The following RAD18 variants were observed in gnomAD, a reference collection of about 807,000 sequenced individuals.
RAD18 encodes the protein E3 ubiquitin-protein ligase RAD18.
Under a neutral mutation model 60.4 loss-of-function variants are expected in RAD18, and 47 were observed. That is an observed-to-expected ratio of 0.78 (90% CI 0.62 to 0.99). The LOEUF (loss-of-function observed/expected upper bound fraction) is 0.99. RAD18 is among the 50% of genes least tolerant of loss of function. The probability of loss-of-function intolerance (pLI) is 0.00; values close to 1 mark genes in which losing one functional copy is unlikely to be tolerated. For synonymous variants in RAD18, 225 were observed against 195.5 expected, an observed-to-expected ratio of 1.15 and a Z score of -1.26; for missense variants, 640 against 593.3, an observed-to-expected ratio of 1.08 and a Z score of -0.82.
In RAD18 at chr3:8,877,467, C is replaced by T. The variant is rs1419811298; in HGVS notation, c.*3890G>A. The T allele has an allele frequency of 6.6e-6, 1 of 152,212 alleles. No individual in the cohort carries two copies. Among genetic ancestry groups the T allele is most frequent in the Non-Finnish European group, 1.5e-5 (1 of 68,042 alleles). The allele number at this position is 152,212 out of a possible 1,614,324, so 9.4% of individuals were successfully genotyped here. ...ACTTAATCACATCCTAAAGTTCCCA[C>T]CTCTTGTTAAGTTTCAACACATGAA... On this transcript the variant is annotated 3_prime_UTR_variant, in exon 13 of 13. Coordinates refer to ENST00000264926, the MANE Select transcript of RAD18 (RefSeq NM_020165.4).
chr3:8,919,449 A>T (rs1036303679), intron 7 of RAD18, among the ~76,000 whole-genome samples: 33 of 152,374 alleles, frequency 2.2e-4, no homozygotes, highest in Middle Eastern at 3.4e-3. Context: ...TAAAGCTACC[A>T]TCATAAAAAT....
intron 4 of RAD18, among the ~76,000 whole-genome samples, chr3:8,942,495 G>A (rs1315763376): frequency 2.0e-5 from 3 of 152,138 alleles, no homozygotes; most frequent in Non-Finnish European, 2.9e-5. Flanking sequence ...ATGTAAGAAT[G>A]GCCTAACTTG....
chr3:8,889,754 C>A (rs250408), intron 12 of RAD18, among the ~76,000 whole-genome samples: 1 of 152,070 alleles, frequency 6.6e-6, no homozygotes, highest in African/African-American at 2.4e-5. Flanking sequence ...GGACCTTTTA[C>A]GCATATTAAA....
chr3:8,888,078 C>A (rs1455219442), intron 12 of RAD18, among the ~76,000 whole-genome samples: 1 of 152,220 alleles, frequency 6.6e-6, no homozygotes, highest in Non-Finnish European at 1.5e-5. Flanking sequence ...CTGTTCACCC[C>A]ACCCTGCCTT....
At chr3:8,891,395 C>A (rs2125047272) in intron 11 of RAD18, among the ~76,000 whole-genome samples, 1 of 152,202 alleles carries the variant, frequency 6.6e-6, no homozygotes, top group Middle Eastern at 3.4e-3. Context: ...GATGGCCAAG[C>A]CTGTCAACTA....
At chr3:8,918,318 CAAAAAAA>C (rs56365221) in intron 7 of RAD18, among the ~76,000 whole-genome samples, 1,611 of 73,102 alleles carry the variant, frequency 0.022, 34 homozygotes, top group African/African-American at 0.09. Context: ...AACTCCATCT[CAAAAAAA>C]AAAAAAAAAA....
Position 8,958,843 on chromosome 3 carries a change from A to G in RAD18, c.133+77T>C, listed in dbSNP as rs962852126. ...AAAGGTGAAACATAAATATGTGCAC[A>G]TATCTTTGGTGTTAAATTAACACTA... On this transcript the variant is annotated intron_variant, in intron 2 of 12. Transcript: ENST00000264926. 1.1e-5 allele frequency: 12 copies of G among 1,136,124 alleles called. 1 individual carries two copies. The highest frequency in any genetic ancestry group is 7.1e-5 in the East Asian group (3 of 42,342). 70.4% of individuals were successfully genotyped at this position (1,136,124 alleles called of 1,614,324 possible).
chr3:8,923,213 C>G (rs953417672), intron 7 of RAD18, among the ~76,000 whole-genome samples: 1 of 152,128 alleles, frequency 6.6e-6, no homozygotes, highest in Non-Finnish European at 1.5e-5. Flanking sequence ...GCAGAGAAGT[C>G]CTTAAATGAC....
intron 7 of RAD18, 43 bp downstream of exon 7, chr3:8,935,828 T>C (rs781032315): frequency 5.6e-6 from 8 of 1,431,570 alleles, no homozygotes; most frequent in East Asian, 4.9e-5. Context: ...ACAAAATTGC[T>C]TTATCCAGAA....
intron 9 of RAD18, among the ~76,000 whole-genome samples, chr3:8,911,694 A>G (rs946794804): frequency 1.3e-5 from 2 of 152,220 alleles, no homozygotes; most frequent in African/African-American, 4.8e-5. Context: ...TCTTACCTCA[A>G]TTAAAACATA....
chr3:8,929,639 ATTAAT>A (rs1188577066), intron 7 of RAD18, among the ~76,000 whole-genome samples: 1 of 94,672 alleles, frequency 1.1e-5, no homozygotes, highest in Non-Finnish European at 2.0e-5. Flanking sequence ...AGCAACTGGA[ATTAAT>A]TTTTTTTTTT....
chr3:8,893,967 T>G (rs1417557448), intron 11 of RAD18, among the ~76,000 whole-genome samples: 2 of 152,178 alleles, frequency 1.3e-5, no homozygotes, highest in Non-Finnish European at 2.9e-5. Flanking sequence ...GTGCTGGGAT[T>G]ACAGGTGTGA....
intron 4 of RAD18, among the ~76,000 whole-genome samples, chr3:8,944,427 T>C (rs1403510436): frequency 6.6e-6 from 1 of 152,054 alleles, no homozygotes; most frequent in African/African-American, 2.4e-5. Flanking sequence ...TCCTAGCTAA[T>C]TGGGAGGCAG....
intron 7 of RAD18, among the ~76,000 whole-genome samples, chr3:8,923,684 A>G (rs1218031481): frequency 1.3e-5 from 2 of 152,188 alleles, no homozygotes; most frequent in Non-Finnish European, 2.9e-5. Flanking sequence ...GTTACCCACA[A>G]AGGGAAGCCC....
intron 2 of RAD18, 147 bp from the exon 3 acceptor site, chr3:8,948,717 T>G (rs1940878065): frequency 3.3e-6 from 2 of 610,884 alleles, no homozygotes; most frequent in African/African-American, 3.7e-5. Flanking sequence ...CTCTACTCTA[T>G]GCACACTTAC....
At chr3:8,931,269 A>G (rs912205533) in intron 7 of RAD18, among the ~76,000 whole-genome samples, 1 of 152,222 alleles carries the variant, frequency 6.6e-6, no homozygotes, top group East Asian at 1.9e-4. Flanking sequence ...CAATAGCACC[A>G]AAAGACATGA....
At chr3:8,906,760 ATCTC>A (rs1940007953) in intron 9 of RAD18, among the ~76,000 whole-genome samples, 1 of 149,272 alleles carries the variant, frequency 6.7e-6, no homozygotes, top group Non-Finnish European at 1.5e-5. Context: ...GCTAATAGAA[ATCTC>A]TATTTCTATT....
chr3:8,957,806 A>C (rs1941036802), intron 2 of RAD18, among the ~76,000 whole-genome samples: 2 of 152,214 alleles, frequency 1.3e-5, no homozygotes, highest in Non-Finnish European at 1.5e-5. Flanking sequence ...CAGATAATGA[A>C]AATGTTCAGT....
chr3:8,961,985 G>A (rs1476437508), intron 1 of RAD18, among the ~76,000 whole-genome samples: 1 of 152,166 alleles, frequency 6.6e-6, no homozygotes. Flanking sequence ...ACTTAACACA[G>A]TGCTAATAAT....
Sources: gnomAD v4.1 joint callset for allele counts (sites outside exome capture counted in the v4.1 genomes callset) on GRCh38, gnomAD v4.1.1 for gene constraint, MANE v1.5 for transcripts, NCBI Gene and HGNC (gene_info 2026-07-23, HGNC 2026-07-21) for gene names.